Variants in RUNX2 observed in about 807,000 individuals in gnomAD.
RUNX2 encodes the protein RUNX family transcription factor 2, also known as runt-related transcription factor 2.
Under a neutral mutation model 51.7 loss-of-function variants are expected in RUNX2, and 10 were observed. The observed-to-expected ratio is 0.19, with a 90% CI of 0.12 to 0.33. The LOEUF is 0.33. Among genes scored for constraint, RUNX2 ranks in the 10% least tolerant of loss-of-function variants. The pLI, the probability that RUNX2 is intolerant of heterozygous loss-of-function variation, is 1.00. For synonymous variants in RUNX2, 276 were observed against 273.6 expected (o/e 1.01, Z -0.09); for missense variants, 562 against 691.3 (o/e 0.81, Z 2.10).
At chr6:45,338,370 C>G (rs10948227) in intron 2 of RUNX2, among the ~76,000 whole-genome samples, 23,292 of 151,844 alleles carry the variant, frequency 0.15, 2,015 homozygotes, top group East Asian at 0.26. Flanking sequence ...TAGGCAACTT[C>G]TCAAGAAATT....
At chr6:45,524,466 C>T (rs1801608534) in intron 7 of RUNX2, among the ~76,000 whole-genome samples, 2 of 152,062 alleles carry the variant, frequency 1.3e-5, no homozygotes, top group African/African-American at 4.8e-5. Flanking sequence ...CCATCTCGCG[C>T]TGTACCCAAA....
At chr6:45,475,600 CT>C (rs1260203901) in intron 5 of RUNX2, among the ~76,000 whole-genome samples, 4 of 152,170 alleles carry the variant, frequency 2.6e-5, no homozygotes, top group African/African-American at 9.7e-5. Context: ...TTAAATGCCA[CT>C]TTCTCTAGTA....
intron 2 of RUNX2, 33 bp downstream of exon 2, chr6:45,328,817 T>C: frequency 6.3e-7 from 1 of 1,599,166 alleles, no homozygotes; most frequent in Non-Finnish European, 8.6e-7. Flanking sequence ...TCCTGTAAGA[T>C]ATGAACCTGT....
intron 2 of RUNX2, among the ~76,000 whole-genome samples, chr6:45,417,792 T>A (rs1341954493): frequency 6.6e-6 from 1 of 152,258 alleles, no homozygotes; most frequent in Non-Finnish European, 1.5e-5. Context: ...TTGTAGACAC[T>A]GAAATTTGCA....
intron 3 of RUNX2, among the ~76,000 whole-genome samples, chr6:45,425,993 C>T (rs73737413): frequency 0.024 from 3,655 of 152,216 alleles, 154 homozygotes; most frequent in African/African-American, 0.083. Flanking sequence ...CTGAGCTTGA[C>T]ACCGCAGAGA....
chr6:45,530,615 G>A (rs1260913927), intron 7 of RUNX2, among the ~76,000 whole-genome samples: 1 of 152,216 alleles, frequency 6.6e-6, no homozygotes, highest in Non-Finnish European at 1.5e-5. Flanking sequence ...AAGAGAAGTG[G>A]AAACTCGGGC....
At chr6:45,337,982 T>C (rs1360099887) in intron 2 of RUNX2, among the ~76,000 whole-genome samples, 1 of 151,996 alleles carries the variant, frequency 6.6e-6, no homozygotes. Flanking sequence ...TAAATGCTTC[T>C]TTCATACTCT....
intron 6 of RUNX2, among the ~76,000 whole-genome samples, chr6:45,501,390 A>G (rs1800798387): frequency 6.6e-6 from 1 of 151,490 alleles, no homozygotes; most frequent in Non-Finnish European, 1.5e-5. Context: ...TGTTGCTTTC[A>G]CCTCCTCTTT....
chr6:45,329,775 A>G (rs1234280436), intron 2 of RUNX2, among the ~76,000 whole-genome samples: 1 of 152,004 alleles, frequency 6.6e-6, no homozygotes, highest in Non-Finnish European at 1.5e-5. Context: ...AGATATGTAA[A>G]TGACTTTAAC....
At position 45,547,026 on chromosome 6, in the gene RUNX2, T is replaced by C; in HGVS notation, c.1287T>C (p.Ser429=). The C allele has an allele frequency of 6.2e-7, 1 of 1,614,088 alleles. No homozygotes were observed. Among genetic ancestry groups the C allele is most frequent in the Non-Finnish European group, 8.5e-7 (1 of 1,180,018 alleles). Residue 429 remains serine, a synonymous_variant, in exon 9 of 9, where the codon TCT becomes TCC. Transcript: ENST00000647337. The part of the protein sequence containing the change: ...HTYLPPPYPG[S]SQSQSGPFQT... ...ACCTGCCACCACCCTACCCCGGCTC[T>C]TCCCAAAGCCAGAGTGGACCCTTCC...
intron 2 of RUNX2, among the ~76,000 whole-genome samples, chr6:45,390,337 A>G (rs1797444728): frequency 6.6e-6 from 1 of 151,784 alleles, no homozygotes; most frequent in Non-Finnish European, 1.5e-5. Flanking sequence ...CCAAACCCGA[A>G]CTCCACTCTA....
rs67652614 is a variant in RUNX2 at position 45,458,022 on chromosome 6, AT to A, written c.685+19987del. ...ATGCAATGATAAATTCTGGGATAGG[AT>A]TTTTTTTTTTTTTTTGACAGAGTTT... is the stretch of plus-strand genomic sequence containing the variant. On this transcript the variant is annotated intron_variant, in intron 5 of 8. Coordinates refer to ENST00000647337, the MANE Select transcript of RUNX2 (RefSeq NM_001024630.4). Among the ~76,000 whole-genome samples the A allele has an allele frequency of 4.2e-3, 583 of 137,484 alleles. 2 individuals carry two copies. Among genetic ancestry groups the A allele is most frequent in the Middle Eastern group, 7.8e-3 (2 of 256 alleles). 90.2% of individuals were successfully genotyped at this position (137,484 alleles called of 152,430 possible).
chr6:45,506,518 T>G (rs1800972796), intron 6 of RUNX2, among the ~76,000 whole-genome samples: 1 of 152,230 alleles, frequency 6.6e-6, no homozygotes, highest in South Asian at 2.1e-4. Context: ...CATATCCATA[T>G]AAAAACATGT....
intron 2 of RUNX2, among the ~76,000 whole-genome samples, chr6:45,410,596 G>A (rs1330525688): frequency 6.6e-6 from 1 of 152,128 alleles, no homozygotes; most frequent in East Asian, 1.9e-4. Context: ...TATTCACGTG[G>A]TATATACATG....
chr6:45,495,577 G>A (rs1047216823), intron 6 of RUNX2, among the ~76,000 whole-genome samples: 5 of 152,146 alleles, frequency 3.3e-5, no homozygotes, highest in East Asian at 1.9e-4. Flanking sequence ...TGGACAAGAC[G>A]TTTGTAACAG....
chr6:45,408,110 C>T (rs1448721611), intron 2 of RUNX2, among the ~76,000 whole-genome samples: 3 of 148,022 alleles, frequency 2.0e-5, no homozygotes, highest in Admixed American at 6.7e-5. Context: ...AGAAGTGGTG[C>T]TTTTGGTGCC....
chr6:45,328,736 A>G lies in RUNX2; in HGVS notation c.10A>G (p.Asn4Asp). Residue 4 changes from asparagine to aspartate, a missense_variant, in exon 2 of 9, where the codon AAC becomes GAC. Coordinates refer to ENST00000647337, the MANE Select transcript of RUNX2 (RefSeq NM_001024630.4). ...AAAAAAAGGAGGGACTATGGCATCA[A>G]ACAGCCTCTTCAGCACAGTGACACC... MAS[N>D]SLFSTVTPCQ... The G allele has an allele frequency of 1.9e-6, 3 of 1,612,242 alleles. No homozygotes were observed. The highest frequency in any genetic ancestry group is 2.5e-6 in the Non-Finnish European group (3 of 1,178,740).
At chr6:45,410,715 T>C (rs567939216) in intron 2 of RUNX2, among the ~76,000 whole-genome samples, 1 of 152,276 alleles carries the variant, frequency 6.6e-6, no homozygotes, top group East Asian at 1.9e-4. Context: ...CTGTGTACAG[T>C]TGTACTGTTA....
At chr6:45,521,329 T>C (rs1323690318) in intron 7 of RUNX2, among the ~76,000 whole-genome samples, 1 of 152,230 alleles carries the variant, frequency 6.6e-6, no homozygotes, top group Non-Finnish European at 1.5e-5. Flanking sequence ...AGTAAGAGTG[T>C]GCATAAGCAG....
Sources: allele counts gnomAD v4.1 joint callset (sites outside exome capture counted in the v4.1 genomes callset), GRCh38; gene constraint gnomAD v4.1.1; transcripts MANE v1.5; gene names NCBI Gene and HGNC (gene_info 2026-07-23, HGNC 2026-07-21).